The following CTNNA2 variants were observed in gnomAD, a reference collection of about 807,000 sequenced individuals.
The protein encoded by CTNNA2 is catenin alpha-2.
In CTNNA2, 42 loss-of-function variants were observed where a neutral mutation model predicts 101.0. That is an observed-to-expected ratio of 0.42 (90% CI 0.32 to 0.54). The LOEUF (loss-of-function observed/expected upper bound fraction) is 0.54, where lower values mean the gene tolerates loss of function less well. Ranked by LOEUF, CTNNA2 falls within the 20% of genes least tolerant of loss-of-function variation. The probability of loss-of-function intolerance (pLI) is 0.14; values close to 1 mark genes in which losing one functional copy is unlikely to be tolerated. For synonymous variants in CTNNA2, 450 were observed against 456.4 expected (o/e 0.99, Z 0.18); for missense variants, 871 against 1,223.1 (o/e 0.71, Z 4.29).
At position 80,176,162 on chromosome 2, in the gene CTNNA2, A is replaced by G. The variant is rs75830266; in HGVS notation, c.1057-217049A>G. Among the ~76,000 whole-genome samples, 206 of 152,318 alleles carry G rather than the reference A, an allele frequency of 1.4e-3. 1 individual carries two copies. Among genetic ancestry groups the G allele is most frequent in the African/African-American group, 4.7e-3 (196 of 41,578 alleles). On this transcript the variant is annotated intron_variant, in intron 7 of 18. Transcript: ENST00000402739. Reference sequence around the variant, plus strand: ...CCACTCCTTGTCACCTTAAACCCATACACATCTTTTGAAATCATACATAAT... The same window carrying G: ...CCACTCCTTGTCACCTTAAACCCATGCACATCTTTTGAAATCATACATAAT...
chr2:80,453,748 G>A lies in CTNNA2; in HGVS notation c.1290+34147G>A, dbSNP rs138950035. Among the ~76,000 whole-genome samples, 403 of 152,268 alleles carry A rather than the reference G, an allele frequency of 2.6e-3. 2 individuals carry two copies. Among genetic ancestry groups the A allele is most frequent in the African/African-American group, 9.4e-3 (392 of 41,554 alleles). On this transcript the variant is annotated intron_variant, in intron 9 of 18. Transcript: ENST00000402739. ...AGACAGGGTTATATAACACAATGTA[G>A]TTTCAATCAGAATGATTTTGTCCTT...
chr2:80,560,960 G>A (rs925058921), intron 12 of CTNNA2, among the ~76,000 whole-genome samples: 1 of 151,748 alleles, frequency 6.6e-6, no homozygotes, highest in Non-Finnish European at 1.5e-5. Flanking sequence ...TTTTTCTGTA[G>A]AAAATATGTC....
At chr2:79,467,070 A>G (rs1036839818) in intron 4 of CTNNA2, among the ~76,000 whole-genome samples, 2 of 152,234 alleles carry the variant, frequency 1.3e-5, no homozygotes, top group African/African-American at 4.8e-5. Flanking sequence ...CAGATGATCA[A>G]ACTTCTCTGA....
chr2:79,547,132 T>G (rs2104023718), intron 1 of CTNNA2: 1 of 152,226 alleles, frequency 6.6e-6, no homozygotes, highest in Non-Finnish European at 1.5e-5. Flanking sequence ...AAAACATTTC[T>G]CCATAGGTAG....
intron 6 of CTNNA2, among the ~76,000 whole-genome samples, chr2:79,892,624 G>A (rs1187148931): frequency 6.6e-6 from 1 of 152,096 alleles, no homozygotes; most frequent in Non-Finnish European, 1.5e-5. Context: ...CCCAGTAGGG[G>A]AAAGAAAGAG....
chr2:79,715,221 A>AC (rs1686009870), intron 2 of CTNNA2, among the ~76,000 whole-genome samples: 1 of 150,598 alleles, frequency 6.6e-6, no homozygotes, highest in African/African-American at 2.4e-5. Flanking sequence ...AAAAAAAAAA[A>AC]AAAAAAAACC....
chr2:80,453,014 C>T (rs891327933), intron 9 of CTNNA2, among the ~76,000 whole-genome samples: 2 of 152,054 alleles, frequency 1.3e-5, no homozygotes, highest in Admixed American at 1.3e-4. Flanking sequence ...TTGAACCTGA[C>T]AGCCTGGGAC....
At chr2:79,298,041 A>G (rs1294185902) in intron 2 of CTNNA2, among the ~76,000 whole-genome samples, 1 of 152,166 alleles carries the variant, frequency 6.6e-6, no homozygotes, top group African/African-American at 2.4e-5. Context: ...ATGGTACCAC[A>G]TGTCTTGGCC....
At chr2:80,025,841 C>G (rs1034437223) in intron 7 of CTNNA2, among the ~76,000 whole-genome samples, 1 of 152,194 alleles carries the variant, frequency 6.6e-6, no homozygotes. Context: ...CCATCTCCTC[C>G]TATATGCTGT....
chr2:79,368,515 A>T (rs1050931130), intron 3 of CTNNA2, among the ~76,000 whole-genome samples: 3 of 152,176 alleles, frequency 2.0e-5, no homozygotes, highest in East Asian at 1.9e-4. Flanking sequence ...CTCTTTTTCA[A>T]TGTTATCTGA....
chr2:79,515,989 C>G (rs539973163), intron 1 of CTNNA2, among the ~76,000 whole-genome samples: 14 of 152,284 alleles, frequency 9.2e-5, no homozygotes, highest in African/African-American at 3.4e-4. Flanking sequence ...AAGACACTCT[C>G]TTTGACCTCA....
intron 4 of CTNNA2, among the ~76,000 whole-genome samples, chr2:79,397,863 G>A (rs959452212): frequency 6.6e-6 from 1 of 151,946 alleles, no homozygotes; most frequent in African/African-American, 2.4e-5. Context: ...GTCTCATTAC[G>A]TTTCCCAGAC....
chr2:80,145,557 G>T (rs889483828), intron 7 of CTNNA2, among the ~76,000 whole-genome samples: 20 of 152,180 alleles, frequency 1.3e-4, no homozygotes, highest in Non-Finnish European at 7.3e-5. Context: ...GGAAATTCAC[G>T]ATTCAATTAA....
chr2:79,831,203 T>G (rs1022962683), intron 3 of CTNNA2, among the ~76,000 whole-genome samples: 4 of 152,040 alleles, frequency 2.6e-5, no homozygotes, highest in African/African-American at 9.6e-5. Flanking sequence ...AGATTAAGAT[T>G]TTTTTTTACA....
At chr2:80,192,720 G>C (rs1192278854) in intron 7 of CTNNA2, among the ~76,000 whole-genome samples, 2 of 152,012 alleles carry the variant, frequency 1.3e-5, no homozygotes, top group African/African-American at 2.4e-5. Context: ...TCGCCACATT[G>C]GCCAGGCTGG....
In CTNNA2 at chr2:79,559,544, A is replaced by G. The variant is rs144104511; in HGVS notation, c.-6+46337A>G. 1.7e-3 allele frequency among the ~76,000 whole-genome samples: 255 copies of G among 152,078 alleles called. 1 individual carries two copies. The highest frequency in any genetic ancestry group is 5.9e-3 in the African/African-American group (245 of 41,542). ...AAACTTGGGAATATATTTTTTCCCC[A>G]TAGTAGGAAAGAATGAAAGCTGAAA... is the stretch of plus-strand genomic sequence containing the variant. On this transcript the variant is annotated intron_variant, in intron 1 of 18. Coordinates refer to ENST00000402739, the MANE Select transcript of CTNNA2 (RefSeq NM_001282597.3).
intron 7 of CTNNA2, among the ~76,000 whole-genome samples, chr2:79,932,378 G>A (rs549911056): frequency 4.6e-5 from 7 of 152,250 alleles, no homozygotes; most frequent in South Asian, 4.1e-4. Flanking sequence ...AGTGAACTTG[G>A]GATTTGAGAG....
chr2:79,437,342 T>C (rs1678728276), intron 4 of CTNNA2, among the ~76,000 whole-genome samples: 1 of 152,190 alleles, frequency 6.6e-6, no homozygotes, highest in African/African-American at 2.4e-5. Flanking sequence ...CTGGAAATCT[T>C]GTCAAAATTC....
intron 4 of CTNNA2, among the ~76,000 whole-genome samples, chr2:79,429,830 A>G (rs1489577641): frequency 2.0e-5 from 3 of 152,166 alleles, no homozygotes; most frequent in South Asian, 4.1e-4. Context: ...AAACAAGAGT[A>G]TGTGAGGTTC....
Sources: gnomAD v4.1 joint callset for allele counts (sites outside exome capture counted in the v4.1 genomes callset) on GRCh38, gnomAD v4.1.1 for gene constraint, MANE v1.5 for transcripts, NCBI Gene and HGNC (gene_info 2026-07-23, HGNC 2026-07-21) for gene names.